NSUN6: variants seen among roughly 807,000 people sequenced by gnomAD.
NSUN6 encodes tRNA (cytosine(72)-C(5))-methyltransferase NSUN6.
Under a neutral mutation model 58.0 loss-of-function variants are expected in NSUN6, and 64 were observed. The observed-to-expected ratio is 1.10, with a 90% CI of 0.90 to 1.36. The LOEUF (loss-of-function observed/expected upper bound fraction) is 1.36. NSUN6 is among the 40% of genes most tolerant of loss of function. The pLI, the probability that NSUN6 is intolerant of heterozygous loss-of-function variation, is 0.00. For missense variants in NSUN6, 701 were observed against 550.1 expected, an observed-to-expected ratio of 1.27 and a Z score of -2.74; for synonymous variants, 231 against 193.9, an observed-to-expected ratio of 1.19 and a Z score of -1.59.
chr10:18,563,343 A>T (rs2055683073), intron 8 of NSUN6, among the ~76,000 whole-genome samples: 1 of 151,170 alleles, frequency 6.6e-6, no homozygotes, highest in Non-Finnish European at 1.5e-5. Flanking sequence ...AATGGAATAG[A>T]ATAGAGAATG....
intron 8 of NSUN6, among the ~76,000 whole-genome samples, chr10:18,581,353 AC>A (rs1295372699): frequency 6.6e-6 from 1 of 152,180 alleles, no homozygotes; most frequent in East Asian, 1.9e-4. Context: ...GCTAAAACCC[AC>A]CAAAACAAAG....
intron 5 of NSUN6, 109 bp from the exon 6 acceptor site, chr10:18,610,035 T>C: frequency 1.4e-6 from 1 of 698,550 alleles, no homozygotes; most frequent in Non-Finnish European, 2.6e-6. Context: ...TGCTCTATCT[T>C]TTTAAGAACT....
intron 4 of NSUN6, among the ~76,000 whole-genome samples, chr10:18,614,864 C>G (rs2058355927): frequency 2.0e-5 from 3 of 152,078 alleles, no homozygotes; most frequent in Admixed American, 1.3e-4. Context: ...ACATCCTACC[C>G]TCAACTGGAA....
chr10:18,560,354 T>C (rs2055399704), intron 8 of NSUN6, among the ~76,000 whole-genome samples: 1 of 150,300 alleles, frequency 6.7e-6, no homozygotes, highest in South Asian at 2.1e-4. Context: ...TGTAATGTAA[T>C]GTAATGCAGG....
upstream of NSUN6, chr10:18,651,912 A>ATTTT (rs1810322478): frequency 3.0e-6 from 3 of 985,336 alleles, no homozygotes; most frequent in South Asian, 1.4e-4. Flanking sequence ...TGGACTGAAA[A>ATTTT]AAGGCACAGC....
intron 6 of NSUN6, among the ~76,000 whole-genome samples, chr10:18,609,197 A>G (rs964289080): frequency 1.3e-5 from 2 of 152,158 alleles, no homozygotes; most frequent in Non-Finnish European, 2.9e-5. Context: ...TGTGGTCCCA[A>G]CTATTTGCGA....
chr10:18,599,539 G>T (rs1020579728), intron 6 of NSUN6, among the ~76,000 whole-genome samples: 1 of 152,114 alleles, frequency 6.6e-6, no homozygotes. Context: ...TGGAGCATCA[G>T]TGGTTTCAAA....
chr10:18,638,010 A>T (rs1564837308), intron 3 of NSUN6, among the ~76,000 whole-genome samples: 1 of 152,194 alleles, frequency 6.6e-6, no homozygotes, highest in Admixed American at 6.5e-5. Context: ...GGGACAGGAG[A>T]CGTAACAGAT....
rs529741736 is a variant in NSUN6 at position 18,597,540 on chromosome 10, C to T, written c.658-1213G>A. ...ATTCCAGCACTTTGGGAGGCCAAAG[C>T]GGGAGGATTGCCTGAGGTCGGGAGT... On this transcript the variant is annotated intron_variant, in intron 6 of 10. Transcript: ENST00000377304. Among the ~76,000 whole-genome samples the T allele has an allele frequency of 3.9e-5, 6 of 152,158 alleles. No homozygotes were observed. In the South Asian group the frequency reaches 1.2e-3, roughly 32 times the overall value.
At chr10:18,569,389 A>G (rs1211394233) in intron 8 of NSUN6, among the ~76,000 whole-genome samples, 1 of 148,404 alleles carries the variant, frequency 6.7e-6, no homozygotes, top group Non-Finnish European at 1.5e-5. Context: ...TCCATTTTCC[A>G]TTCCATTCTC....
In NSUN6 at chr10:18,622,766, T is replaced by C. The variant is rs1042674928; in HGVS notation, c.312-6473A>G. ...AAAGAGAAGACAAATCCAGTCTCAT[T>C]TGGATTTCAAGAGATTTATGCTGTT... On this transcript the variant is annotated intron_variant, in intron 3 of 10. Transcript: ENST00000377304. Among the ~76,000 whole-genome samples, 5 of 152,262 alleles carry C rather than the reference T, an allele frequency of 3.3e-5. No homozygotes were observed. The East Asian group carries it at 9.6e-4, about 29-fold the overall frequency.
chr10:18,655,175 C>T, upstream of NSUN6: 3 of 979,558 alleles, frequency 3.1e-6, no homozygotes, highest in Non-Finnish European at 3.6e-6. Flanking sequence ...ATCCTTCCCA[C>T]CTAAGAAAGG....
chr10:18,546,797 G>T (rs577001412), intron 10 of NSUN6, among the ~76,000 whole-genome samples: 1 of 151,988 alleles, frequency 6.6e-6, no homozygotes, highest in Non-Finnish European at 1.5e-5. Flanking sequence ...AGAATTGCCC[G>T]GGAGACAGAG....
chr10:18,564,640 C>T (rs1252795622), intron 8 of NSUN6, among the ~76,000 whole-genome samples: 1 of 151,034 alleles, frequency 6.6e-6, no homozygotes, highest in African/African-American at 2.4e-5. Flanking sequence ...CCTTCCATTC[C>T]ATTCCACACT....
intron 6 of NSUN6, among the ~76,000 whole-genome samples, chr10:18,607,331 A>G (rs1380448089): frequency 6.6e-6 from 1 of 152,226 alleles, no homozygotes; most frequent in Non-Finnish European, 1.5e-5. Context: ...GATAATTATC[A>G]ATTTTTAAAA....
rs35673571 is a variant in NSUN6, at chr10:18,638,947, TAAAAAAAAAAAAAA to T, written c.311+3515_311+3528del. On this transcript the variant is annotated intron_variant, in intron 3 of 10. Coordinates refer to ENST00000377304, the MANE Select transcript of NSUN6 (RefSeq NM_182543.5). ...ACAATGTTATAAAGCTTGACAATGTTAAAAAAAAAAAAAAAAAAAAAAACTGGCCGGCCATGGTG... is the reference window on the plus strand; with the variant it reads ...ACAATGTTATAAAGCTTGACAATGTTAAAAAAAAACTGGCCGGCCATGGTG... Among the ~76,000 whole-genome samples, 152 of 107,072 alleles carry T rather than the reference TAAAAAAAAAAAAAA, an allele frequency of 1.4e-3. 1 individual carries two copies. The highest frequency in any genetic ancestry group is 5.4e-3 in the African/African-American group (146 of 27,084). 70.2% of individuals were successfully genotyped at this position (107,072 alleles called of 152,430 possible).
chr10:18,617,548 T>C (rs994779549), intron 3 of NSUN6, among the ~76,000 whole-genome samples: 2 of 152,184 alleles, frequency 1.3e-5, no homozygotes, highest in Admixed American at 6.5e-5. Context: ...GTCTCACAGT[T>C]ACTTCAAACT....
Position 18,551,816 on chromosome 10 carries a change from C to T in NSUN6, c.1071+7G>A. 1.2e-6 allele frequency: 2 copies of T among 1,608,504 alleles called. No individual in the cohort carries two copies. The highest frequency in any genetic ancestry group is 1.7e-6 in the Non-Finnish European group (2 of 1,177,106). On this transcript the variant is annotated splice_region_variant and intron_variant, in intron 9 of 10. Transcript: ENST00000377304. ...ACTTTGTTTCACAAAAACAGACCAC[C>T]ACATACTGCAGTGAAGAGTTTTCGC...
chr10:18,621,273 T>G (rs1337729960), intron 3 of NSUN6, among the ~76,000 whole-genome samples: 1 of 152,214 alleles, frequency 6.6e-6, no homozygotes, highest in Non-Finnish European at 1.5e-5. Context: ...GAGTCCTGTG[T>G]GACTCCCCTG....
Sources: gnomAD v4.1 joint callset for allele counts (sites outside exome capture counted in the v4.1 genomes callset) on GRCh38, gnomAD v4.1.1 for gene constraint, MANE v1.5 for transcripts, NCBI Gene and HGNC (gene_info 2026-07-23, HGNC 2026-07-21) for gene names.